Variants in SWT1 observed in about 807,000 individuals in gnomAD.
The protein encoded by SWT1 is SWT1 RNA endoribonuclease homolog.
Under a neutral mutation model 107.3 loss-of-function variants are expected in SWT1, and 33 were observed. The observed-to-expected ratio is 0.31, with a 90% confidence interval of 0.23 to 0.41. SWT1 has a LOEUF of 0.41. Among genes scored for constraint, SWT1 ranks in the 10% least tolerant of loss-of-function variants. The pLI is 1.00. For synonymous variants in SWT1, 345 were observed against 348.3 expected, an observed-to-expected ratio of 0.99 and a Z score of 0.11; for missense variants, 898 against 1,028.9, an observed-to-expected ratio of 0.87 and a Z score of 1.74.
At chr1:185,267,104 A>G (rs1663459610) in intron 16 of SWT1, among the ~76,000 whole-genome samples, 1 of 152,176 alleles carries the variant, frequency 6.6e-6, no homozygotes, top group Non-Finnish European at 1.5e-5. Context: ...ACCTACCACC[A>G]CTCACTGTGT....
chr1:185,244,964 A>G (rs1283276713), intron 16 of SWT1, among the ~76,000 whole-genome samples: 5 of 152,160 alleles, frequency 3.3e-5, no homozygotes, highest in Non-Finnish European at 1.5e-5. Context: ...CTGTAGTCTC[A>G]GCTACTTGGG....
chr1:185,283,670 T>G (rs1396058893), intron 18 of SWT1, among the ~76,000 whole-genome samples: 4 of 152,184 alleles, frequency 2.6e-5, no homozygotes, highest in African/African-American at 9.7e-5. Flanking sequence ...GCTCTGAAAC[T>G]CATCACAACA....
chr1:185,281,025 C>T, intron 18 of SWT1: 2 of 310,116 alleles, frequency 6.4e-6, no homozygotes, highest in Non-Finnish European at 1.3e-5. Flanking sequence ...ATGATGATGA[C>T]TAAGTCCTTT....
At chr1:185,244,031 A>G (rs1661431734) in intron 16 of SWT1, among the ~76,000 whole-genome samples, 1 of 151,944 alleles carries the variant, frequency 6.6e-6, no homozygotes, top group Non-Finnish European at 1.5e-5. Flanking sequence ...CCATTTACCC[A>G]TGCTGCCTAT....
chr1:185,209,994 C>T (rs908008986), intron 13 of SWT1, among the ~76,000 whole-genome samples: 3 of 152,188 alleles, frequency 2.0e-5, no homozygotes, highest in Admixed American at 2.0e-4. Flanking sequence ...AGCTTTCTTT[C>T]ATATGTTTGT....
Position 185,231,572 on chromosome 1 carries a change from T to G in SWT1, c.2310-5T>G, listed in dbSNP as rs759051489. The G allele has an allele frequency of 1.2e-5, 20 of 1,602,750 alleles. No homozygotes were observed. Among genetic ancestry groups the G allele is most frequent in the Non-Finnish European group, 1.7e-5 (20 of 1,172,118 alleles). On this transcript the variant is annotated splice_region_variant and splice_polypyrimidine_tract_variant and intron_variant, in intron 15 of 18. Transcript: ENST00000367500. ...CTATGAGTATCTTTTTTTTCTCTAT[T>G]TTAGCACGGATGTATTTCAAAGATT... is the stretch of plus-strand genomic sequence containing the variant.
chr1:185,193,302 T>G (rs1209134385), intron 10 of SWT1, among the ~76,000 whole-genome samples: 1 of 152,166 alleles, frequency 6.6e-6, no homozygotes, highest in Non-Finnish European at 1.5e-5. Context: ...AAAGTTTGTT[T>G]TGTGGCTAAG....
At chr1:185,204,050 A>T (rs1328043524) in intron 11 of SWT1, among the ~76,000 whole-genome samples, 1 of 152,190 alleles carries the variant, frequency 6.6e-6, no homozygotes, top group Admixed American at 6.5e-5. Flanking sequence ...ATGTTAATGA[A>T]GTGATATCAC....
chr1:185,217,977 A>G lies in SWT1; in HGVS notation c.2121+3322A>G, dbSNP rs186453732. Reference sequence around the variant, plus strand: ...TGGACTGTGTTTGAATCATCCTGAAACCATCCTCCCGCTTACCCGTCCATG... The same window carrying G: ...TGGACTGTGTTTGAATCATCCTGAAGCCATCCTCCCGCTTACCCGTCCATG... On this transcript the variant is annotated intron_variant, in intron 14 of 18. Coordinates refer to ENST00000367500, the MANE Select transcript of SWT1 (RefSeq NM_017673.7). 1.8e-3 allele frequency among the ~76,000 whole-genome samples: 270 copies of G among 152,320 alleles called. 2 individuals are homozygous for G. Among genetic ancestry groups the G allele is most frequent in the African/African-American group, 6.2e-3 (258 of 41,570 alleles).
Position 185,184,260 on chromosome 1 carries a change from A to G in SWT1, c.1156A>G (p.Arg386Gly), listed in dbSNP as rs1656268318. ...HSSSANNTSD[R>G]KLLIVIDTNI... ...TTCTTTAGCAAATAATACTTCAGAC[A>G]GAAAGCTTCTAATTGTTATTGACAC... Residue 386 changes from arginine (R) to glycine (G), a missense_variant, in exon 8 of 19, where the codon AGA (arginine) becomes GGA (glycine). Physicochemically the swap from Arg to Gly is moderately radical, Grantham distance 125. This residue lies in a region of SWT1 where 94 missense variants were observed against 114.5 expected (regional missense o/e 0.82). Transcript: ENST00000367500. The G allele has an allele frequency of 1.3e-6, 2 of 1,549,096 alleles. No homozygotes were observed. The highest frequency in any genetic ancestry group is 1.8e-6 in the Non-Finnish European group (2 of 1,137,696).
At chr1:185,254,321 T>A (rs1205650487) in intron 16 of SWT1, among the ~76,000 whole-genome samples, 1 of 133,484 alleles carries the variant, frequency 7.5e-6, no homozygotes, top group East Asian at 2.1e-4. Flanking sequence ...ATTCCCTCTT[T>A]TTCTATTGAT....
chr1:185,227,219 A>G (rs1660135417), intron 15 of SWT1: 2 of 813,982 alleles, frequency 2.5e-6, no homozygotes, highest in Non-Finnish European at 4.3e-6. Flanking sequence ...TCAGGGTGCT[A>G]AAAACTTTAT....
chr1:185,195,211 A>G (rs1657284023), intron 10 of SWT1, among the ~76,000 whole-genome samples: 1 of 151,992 alleles, frequency 6.6e-6, no homozygotes, highest in African/African-American at 2.4e-5. Flanking sequence ...ATGTGTTCTC[A>G]TTGTTCAACT....
At chr1:185,290,023 T>C (rs192462200) in intron 18 of SWT1, among the ~76,000 whole-genome samples, 6 of 152,094 alleles carry the variant, frequency 3.9e-5, no homozygotes, top group East Asian at 1.9e-4. Context: ...CCAACACTTT[T>C]GGAGGCTAAC....
chr1:185,174,737 A>G lies in SWT1; in HGVS notation c.590A>G (p.Asn197Ser), dbSNP rs775729499. 7 of 1,612,578 alleles carry G rather than the reference A, an allele frequency of 4.3e-6. No individual in the cohort carries two copies. The highest frequency in any genetic ancestry group is 2.5e-6 in the Non-Finnish European group (3 of 1,179,694). The change falls in exon 5 of 19, where the codon AAT becomes AGT. Residue 197 changes from asparagine to serine, a missense_variant. Around this residue, in one of 6 missense-constraint regions of SWT1, gnomAD observed 382 missense variants for 362.4 expected, o/e 1.05. Transcript: ENST00000367500. ...GGAAGAAACAGTAAATTTAGAGACA[A>G]TTCTGAAAAATGTGTCTTAGAGAAA... is the stretch of plus-strand genomic sequence containing the variant. ...KKGRNSKFRD[N>S]SEKCVLEKWK...
Position 185,184,951 on chromosome 1 carries a change from A to C in SWT1, c.1429+20A>C. On this transcript the variant is annotated intron_variant, in intron 9 of 18. Transcript: ENST00000367500. ...AACATTGTAAGTATTGTTCTCTCAG[A>C]GTGCCTCCTGATTAATACTTGTTTG... 7.0e-7 allele frequency: 1 copy of C among 1,422,202 alleles called. No individual in the cohort carries two copies. The highest frequency in any genetic ancestry group is 9.3e-7 in the Non-Finnish European group (1 of 1,080,398). 88.1% of individuals were successfully genotyped at this position (1,422,202 alleles called of 1,614,324 possible).
At chr1:185,257,805 C>T (rs2102681370) in intron 16 of SWT1, 1 of 152,332 alleles carries the variant, frequency 6.6e-6, no homozygotes, top group East Asian at 1.9e-4. Flanking sequence ...GGCTCCTGTC[C>T]AATTTATATA....
In SWT1 at chr1:185,174,693, G is replaced by A; in HGVS notation, c.546G>A (p.Lys182=). 6.2e-7 allele frequency: 1 copy of A among 1,613,666 alleles called. No individual in the cohort carries two copies. Among genetic ancestry groups the A allele is most frequent in the Non-Finnish European group, 8.5e-7 (1 of 1,179,904 alleles). ...KWSHLLVQRE[K]MKELKKGRNS... ...CTCATTTACTTGTTCAGAGAGAGAAGATGAAAGAACTCAAGAAAGGAAGAA... is the reference window on the plus strand; with the variant it reads ...CTCATTTACTTGTTCAGAGAGAGAAAATGAAAGAACTCAAGAAAGGAAGAA... Residue 182 remains lysine (K), a synonymous_variant, in exon 5 of 19, where the codon AAG becomes AAA. Transcript: ENST00000367500.
intron 10 of SWT1, among the ~76,000 whole-genome samples, chr1:185,200,587 A>G (rs1297191492): frequency 1.3e-5 from 2 of 152,174 alleles, no homozygotes; most frequent in Non-Finnish European, 2.9e-5. Context: ...AGGCTGCAGA[A>G]CAGCAAAGAT....
Sources: allele counts gnomAD v4.1 joint callset (sites outside exome capture counted in the v4.1 genomes callset), GRCh38; gene constraint gnomAD v4.1.1; regional missense constraint gnomAD v4.1.1; transcripts MANE v1.5; gene names NCBI Gene and HGNC (gene_info 2026-07-23, HGNC 2026-07-21).